INTU: variants seen among roughly 807,000 people sequenced by gnomAD.
INTU encodes the protein protein inturned.
A neutral mutation model predicts 100.5 loss-of-function variants in INTU; 68 were observed. The observed-to-expected ratio is 0.68, with a 90% confidence interval of 0.56 to 0.83. The LOEUF (loss-of-function observed/expected upper bound fraction) is 0.83, where lower values mean the gene tolerates loss of function less well. Ranked by LOEUF, INTU falls within the 40% of genes least tolerant of loss-of-function variation. The pLI is 0.00. For synonymous variants in INTU, 357 were observed against 395.7 expected (o/e 0.90, Z 1.16); for missense variants, 1,071 against 1,114.7 (o/e 0.96, Z 0.56).
chr4:127,717,525 A>T lies in INTU; in HGVS notation c.*1089A>T, dbSNP rs1299920540. 6.6e-6 allele frequency: 1 copy of T among 152,196 alleles called. No homozygotes were observed. Among genetic ancestry groups the T allele is most frequent in the Non-Finnish European group, 1.5e-5 (1 of 68,028 alleles). 9.4% of individuals were successfully genotyped at this position (152,196 alleles called of 1,614,324 possible). A position where few individuals can be genotyped will look rare whatever the true frequency, so the allele number is the denominator to read the frequency against. On this transcript the variant is annotated 3_prime_UTR_variant, in exon 16 of 16. Transcript: ENST00000335251. ...ACCCAGTAATGGGATTGCTGGGTCAAATGGCATTTCTGGTTCTAGATCTTT... is the reference window on the plus strand; with the variant it reads ...ACCCAGTAATGGGATTGCTGGGTCATATGGCATTTCTGGTTCTAGATCTTT...
chr4:127,708,681 C>G lies in INTU; in HGVS notation c.2369+13C>G, dbSNP rs1730982638. ...ATAACACAGTGAAGTAAGAAACTTT[C>G]TTATTCTTGTTCACTTAAACTCAGG... On this transcript the variant is annotated intron_variant, in intron 13 of 15. Transcript: ENST00000335251. 7.3e-7 allele frequency: 1 copy of G among 1,362,914 alleles called. No homozygotes were observed. Among genetic ancestry groups the G allele is most frequent in the Non-Finnish European group, 1.0e-6 (1 of 972,526 alleles). 84.4% of individuals were successfully genotyped at this position (1,362,914 alleles called of 1,614,324 possible).
chr4:127,645,811 G>A (rs1438706881), intron 2 of INTU, among the ~76,000 whole-genome samples: 3 of 152,044 alleles, frequency 2.0e-5, no homozygotes, highest in African/African-American at 7.2e-5. Context: ...TGATCCACCC[G>A]CCTCAGCCTC....
chr4:127,679,346 C>G (rs868715200), intron 6 of INTU, among the ~76,000 whole-genome samples: 122 of 151,966 alleles, frequency 8.0e-4, no homozygotes, highest in Middle Eastern at 6.8e-3. Flanking sequence ...TGACCACATA[C>G]TTGGAAGTAA....
At chr4:127,704,376 T>C in intron 10 of INTU, 86 bp downstream of exon 10, 2 of 979,654 alleles carry the variant, frequency 2.0e-6, no homozygotes, top group Non-Finnish European at 3.2e-6. Context: ...GAAAAATACA[T>C]TTATCTCTTT....
chr4:127,669,682 G>T (rs1297464312), intron 5 of INTU, among the ~76,000 whole-genome samples: 1 of 151,598 alleles, frequency 6.6e-6, no homozygotes, highest in Non-Finnish European at 1.5e-5. Context: ...TCTTTAGGAG[G>T]GCTATTCATA....
intron 1 of INTU, among the ~76,000 whole-genome samples, chr4:127,635,511 A>G (rs1727030055): frequency 6.6e-6 from 1 of 152,200 alleles, no homozygotes; most frequent in African/African-American, 2.4e-5. Context: ...TTGTTGTTAC[A>G]TCAGTTTTAA....
intron 4 of INTU, among the ~76,000 whole-genome samples, chr4:127,665,915 G>A (rs754983987): frequency 4.6e-5 from 7 of 152,154 alleles, no homozygotes; most frequent in African/African-American, 9.7e-5. Flanking sequence ...AAGTGAATAC[G>A]TGGGATTGCT....
At chr4:127,700,823 A>G (rs911590500) in intron 9 of INTU, among the ~76,000 whole-genome samples, 3 of 151,972 alleles carry the variant, frequency 2.0e-5, no homozygotes, top group Non-Finnish European at 2.9e-5. Context: ...ATATGAGGGC[A>G]CTAACTTGTT....
At chr4:127,678,636 A>G (rs1178907358) in intron 6 of INTU, among the ~76,000 whole-genome samples, 3 of 152,208 alleles carry the variant, frequency 2.0e-5, no homozygotes, top group Non-Finnish European at 4.4e-5. Flanking sequence ...GGTACCGGCC[A>G]CTGCAAAATC....
chr4:127,637,888 C>T (rs1475755549), intron 1 of INTU, among the ~76,000 whole-genome samples: 2 of 152,126 alleles, frequency 1.3e-5, no homozygotes, highest in Non-Finnish European at 2.9e-5. Context: ...AAATGTATTA[C>T]CTGCAGTGAA....
chr4:127,707,639 GTGTC>G (rs1730942880), intron 12 of INTU, among the ~76,000 whole-genome samples: 1 of 151,678 alleles, frequency 6.6e-6, no homozygotes, highest in African/African-American at 2.4e-5. Context: ...GTGTATTTGT[GTGTC>G]TGTGTGTGTG....
At chr4:127,704,324 G>T in intron 10 of INTU, 34 bp downstream of exon 10, 1 of 1,473,444 alleles carries the variant, frequency 6.8e-7, no homozygotes, top group Non-Finnish European at 9.4e-7. Flanking sequence ...ATGTCCAGCT[G>T]CTGTATAAAG....
intron 8 of INTU, among the ~76,000 whole-genome samples, chr4:127,696,062 C>CT (rs1453482130): frequency 1.3e-5 from 2 of 151,962 alleles, no homozygotes; most frequent in Non-Finnish European, 2.9e-5. Flanking sequence ...GTGTATATTT[C>CT]TTTTTAGACA....
In INTU at chr4:127,716,467, C is replaced by A; in HGVS notation, c.*31C>A. 9.9e-7 allele frequency: 1 copy of A among 1,015,202 alleles called. No homozygotes were observed. The highest frequency in any genetic ancestry group is 1.5e-6 in the Non-Finnish European group (1 of 685,842). The allele number at this position is 1,015,202 out of a possible 1,614,324, so 62.9% of individuals were successfully genotyped here. ...CTTTCTTGATGCGTAGAAACACGTG[C>A]ATGGAGGATCAAACACTGTCAGAAT... On this transcript the variant is annotated 3_prime_UTR_variant, in exon 16 of 16. Transcript: ENST00000335251.
At chr4:127,693,451 A>C (rs1163811247) in intron 8 of INTU, among the ~76,000 whole-genome samples, 1 of 152,158 alleles carries the variant, frequency 6.6e-6, no homozygotes, top group African/African-American at 2.4e-5. Flanking sequence ...GAATTCATTT[A>C]GCAGATCTAG....
rs1337335654 is a variant in INTU, at chr4:127,632,964, A to C, written c.-71A>C. 6.7e-6 allele frequency: 10 copies of C among 1,502,652 alleles called. No individual in the cohort carries two copies. The highest frequency in any genetic ancestry group is 9.0e-6 in the Non-Finnish European group (10 of 1,108,574). The allele number at this position is 1,502,652 out of a possible 1,614,324, so 93.1% of individuals were successfully genotyped here. ...CTCTGCCCCTTCCCAAGCAGAGGCA[A>C]CATGGCGGCCTTAGCAAGCTATAGC... On this transcript the variant is annotated 5_prime_UTR_variant, in exon 1 of 16. Coordinates refer to ENST00000335251, the MANE Select transcript of INTU (RefSeq NM_015693.4).
chr4:127,704,217 T>C lies in INTU; in HGVS notation c.1504-11T>C, dbSNP rs1730773822. The C allele has an allele frequency of 6.2e-7, 1 of 1,601,098 alleles. No individual in the cohort carries two copies. The highest frequency in any genetic ancestry group is 8.5e-7 in the Non-Finnish European group (1 of 1,173,020). On this transcript the variant is annotated splice_polypyrimidine_tract_variant and intron_variant, in intron 9 of 15. Coordinates refer to ENST00000335251, the MANE Select transcript of INTU (RefSeq NM_015693.4). ...TAAAAATATAAAATCCACTATGAATTTTTCCCCCAGTCCGAGGATTACTAT... is the reference window on the plus strand; with the variant it reads ...TAAAAATATAAAATCCACTATGAATCTTTCCCCCAGTCCGAGGATTACTAT...
chr4:127,663,458 C>A lies in INTU; in HGVS notation c.846C>A (p.Asn282Lys). 1 of 1,613,400 alleles carries A rather than the reference C, an allele frequency of 6.2e-7. No homozygotes were observed. Among genetic ancestry groups the A allele is most frequent in the South Asian group, 1.1e-5 (1 of 91,054 alleles). Residue 282 changes from asparagine to lysine, a missense_variant, in exon 4 of 16, where the codon AAC becomes AAA. Coordinates refer to ENST00000335251, the MANE Select transcript of INTU (RefSeq NM_015693.4). Reference sequence around the variant, plus strand: ...CAAGACAGAAAAAGACACAGTCCAACACAAGTGATTTAGTCAAGCTTCTCT... The same window carrying A: ...CAAGACAGAAAAAGACACAGTCCAAAACAAGTGATTTAGTCAAGCTTCTCT... ...SHPRQKKTQS[N>K]TSDLVKLLWG...
intron 6 of INTU, among the ~76,000 whole-genome samples, chr4:127,678,873 C>T (rs1578587981): frequency 6.6e-6 from 1 of 151,656 alleles, no homozygotes; most frequent in African/African-American, 2.4e-5. Context: ...CGTGCAGAGA[C>T]ACACATAGGC....
Sources: allele counts gnomAD v4.1 joint callset (sites outside exome capture counted in the v4.1 genomes callset), GRCh38; gene constraint gnomAD v4.1.1; transcripts MANE v1.5; gene names NCBI Gene and HGNC (gene_info 2026-07-23, HGNC 2026-07-21).